Variants in ARHGAP22 observed in about 807,000 individuals in gnomAD.
The protein encoded by ARHGAP22 is rho GTPase-activating protein 22.
In ARHGAP22, 48 loss-of-function variants were observed where a neutral mutation model predicts 59.1. The observed-to-expected ratio is 0.81, with a 90% CI of 0.64 to 1.03. The LOEUF (loss-of-function observed/expected upper bound fraction) is 1.03. ARHGAP22 is among the 50% of genes least tolerant of loss of function. The pLI is 0.00. For missense variants in ARHGAP22, 1,015 were observed against 958.7 expected (o/e 1.06, Z -0.78); for synonymous variants, 445 against 416.4 (o/e 1.07, Z -0.84).
chr10:48,430,926 T>G, the ARHGAP22 span: 1 of 457,244 alleles, frequency 2.2e-6, no homozygotes, highest in East Asian at 4.5e-5. Context: ...AAAGAAAGCT[T>G]CTACCCCAGC....
At chr10:48,454,968 C>A in intron 6 of ARHGAP22, 34 bp downstream of exon 6, 1 of 1,541,216 alleles carries the variant, frequency 6.5e-7, no homozygotes, top group Non-Finnish European at 8.8e-7. Context: ...CCAGCCAGCC[C>A]ATCTCCCAGG....
At chr10:48,442,152 G>C (rs1026668892), downstream of ARHGAP22, among the ~76,000 whole-genome samples, 1 of 152,158 alleles carries the variant, frequency 6.6e-6, no homozygotes, top group African/African-American at 2.4e-5. Flanking sequence ...CATGGGCTCC[G>C]GTGCCAAATA....
At chr10:48,583,458 AC>A (rs2059240118) in intron 1 of ARHGAP22, among the ~76,000 whole-genome samples, 1 of 152,140 alleles carries the variant, frequency 6.6e-6, no homozygotes, top group Non-Finnish European at 1.5e-5. Flanking sequence ...CATGTATCCA[AC>A]CATGCATCCA....
chr10:48,480,497 AT>A (rs149432409), intron 3 of ARHGAP22, among the ~76,000 whole-genome samples: 29 of 152,324 alleles, frequency 1.9e-4, no homozygotes, highest in African/African-American at 7.0e-4. Context: ...GTCTTTATAC[AT>A]CCTACCCCCC....
chr10:48,589,660 T>A (rs2059635987), intron 1 of ARHGAP22, among the ~76,000 whole-genome samples: 1 of 152,208 alleles, frequency 6.6e-6, no homozygotes, highest in Admixed American at 6.5e-5. Flanking sequence ...AGTCCCTTAG[T>A]TTCCAAATCT....
At chr10:48,594,431 G>A (rs758039809) in intron 1 of ARHGAP22, among the ~76,000 whole-genome samples, 12 of 152,060 alleles carry the variant, frequency 7.9e-5, no homozygotes, top group Non-Finnish European at 1.5e-4. Context: ...CTCATGGGCC[G>A]AGCCCTGCAC....
At chr10:48,494,177 C>G (rs963063319) in intron 3 of ARHGAP22, among the ~76,000 whole-genome samples, 1 of 151,832 alleles carries the variant, frequency 6.6e-6, no homozygotes, top group African/African-American at 2.4e-5. Flanking sequence ...GTCTGTGTCA[C>G]AGACAGAGAA....
At chr10:48,511,800 G>A (rs1373187585) in intron 3 of ARHGAP22, among the ~76,000 whole-genome samples, 2 of 152,230 alleles carry the variant, frequency 1.3e-5, no homozygotes, top group African/African-American at 4.8e-5. Flanking sequence ...GAATGGCCCT[G>A]GCCTGTAAGG....
At chr10:48,584,067 T>A (rs182707080) in intron 1 of ARHGAP22, among the ~76,000 whole-genome samples, 3 of 152,280 alleles carry the variant, frequency 2.0e-5, no homozygotes, top group Non-Finnish European at 4.4e-5. Flanking sequence ...CTGGCCAGTG[T>A]CAAGGCCATT....
At chr10:48,584,942 TGA>T (rs1395431694) in intron 1 of ARHGAP22, among the ~76,000 whole-genome samples, 1 of 147,190 alleles carries the variant, frequency 6.8e-6, no homozygotes, top group Non-Finnish European at 1.5e-5. Flanking sequence ...TGCAGTGAGC[TGA>T]GATTGCGCCA....
Position 48,448,174 on chromosome 10 carries a change from C to T in ARHGAP22, c.1869-1555G>A, listed in dbSNP as rs866249902. Among the ~76,000 whole-genome samples the T allele has an allele frequency of 2.0e-5, 3 of 152,286 alleles. No individual in the cohort carries two copies. The South Asian group carries it at 6.2e-4, about 32-fold the overall frequency. On this transcript the variant is annotated intron_variant, in intron 9 of 9. Transcript: ENST00000249601. ...AGGCCAAAAGGCCCCACCCATTGCC[C>T]CCTCCCCACACATCTCCAGTCCCCA...
At chr10:48,573,392 A>T (rs61838375) in intron 2 of ARHGAP22, among the ~76,000 whole-genome samples, 10 of 152,026 alleles carry the variant, frequency 6.6e-5, no homozygotes, top group Admixed American at 5.2e-4. Context: ...TGGTTACTCA[A>T]GAGAAATCTG....
chr10:48,523,493 T>G (rs963526474), intron 3 of ARHGAP22, among the ~76,000 whole-genome samples: 2 of 152,184 alleles, frequency 1.3e-5, no homozygotes, highest in Non-Finnish European at 2.9e-5. Context: ...TCTCCAAGAC[T>G]GCTGCATTCC....
At chr10:48,531,632 T>A (rs1307397910) in intron 3 of ARHGAP22, among the ~76,000 whole-genome samples, 1 of 151,618 alleles carries the variant, frequency 6.6e-6, no homozygotes, top group Non-Finnish European at 1.5e-5. Context: ...GATGTCATCA[T>A]TATTTCCACT....
chr10:48,604,837 G>C lies in ARHGAP22; in HGVS notation c.-41C>G, dbSNP rs772918494. 2 of 1,613,900 alleles carry C rather than the reference G, an allele frequency of 1.2e-6. No homozygotes were observed. The highest frequency in any genetic ancestry group is 1.7e-6 in the Non-Finnish European group (2 of 1,180,030). On this transcript the variant is annotated 5_prime_UTR_variant, in exon 1 of 10. Transcript: ENST00000249601. ...CGGCCAGCCCCGCAGGGCCGTTCAT[G>C]CTGTCATCCACTTGCTTTTGCTCGT...
At chr10:48,655,736 T>C (rs12257645), upstream of ARHGAP22, 91,791 of 153,166 alleles carry the variant, frequency 0.6, 28,197 homozygotes, top group Admixed American at 0.66. Context: ...ACCAGGCCAG[T>C]GCACCCTGCC....
chr10:48,503,501 T>G (rs1359503847), intron 3 of ARHGAP22, among the ~76,000 whole-genome samples: 1 of 152,220 alleles, frequency 6.6e-6, no homozygotes, highest in Non-Finnish European at 1.5e-5. Context: ...CACCTGCTGC[T>G]GCGGCTACTG....
At chr10:48,457,317 C>G (rs2046636239) in intron 5 of ARHGAP22, among the ~76,000 whole-genome samples, 1 of 152,206 alleles carries the variant, frequency 6.6e-6, no homozygotes, top group Non-Finnish European at 1.5e-5. Context: ...CCTGCTTCAC[C>G]CCACCTGGGT....
At chr10:48,580,077 G>T (rs11101390) in intron 2 of ARHGAP22, among the ~76,000 whole-genome samples, 11 of 152,176 alleles carry the variant, frequency 7.2e-5, no homozygotes, top group Non-Finnish European at 1.5e-4. Flanking sequence ...GTGCCAGCCA[G>T]ACCCAGAAAG....
Sources: gnomAD v4.1 joint callset for allele counts (sites outside exome capture counted in the v4.1 genomes callset) on GRCh38, gnomAD v4.1.1 for gene constraint, MANE v1.5 for transcripts, NCBI Gene and HGNC (gene_info 2026-07-23, HGNC 2026-07-21) for gene names.